Variants in TBC1D8 observed in about 807,000 individuals in gnomAD.
The protein encoded by TBC1D8 is BUB2-like protein 1.
TBC1D8 carries 65 observed loss-of-function variants against 118.8 expected under a neutral mutation model. The ratio of observed to expected loss-of-function variants is 0.55; its 90% confidence interval spans 0.45 to 0.67. The LOEUF (loss-of-function observed/expected upper bound fraction) is 0.67. TBC1D8 is among the 30% of genes least tolerant of loss of function. The pLI is 0.00. For synonymous variants in TBC1D8, 566 were observed against 595.8 expected (o/e 0.95, Z 0.73); for missense variants, 1,376 against 1,471.2 (o/e 0.94, Z 1.06).
intron 1 of TBC1D8, among the ~76,000 whole-genome samples, chr2:101,124,400 C>T (rs914319138): frequency 6.6e-5 from 10 of 152,102 alleles, no homozygotes; most frequent in South Asian, 6.2e-4. Context: ...TTCTGGAGAG[C>T]GCTATAAGGG....
chr2:101,069,292 CAAA>C (rs774980964), intron 2 of TBC1D8, among the ~76,000 whole-genome samples: 1 of 98,236 alleles, frequency 1.0e-5, no homozygotes. Context: ...GATTACGTCT[CAAA>C]AAAAAAAAAG....
rs745592536 is a variant in TBC1D8 at position 101,037,700 on chromosome 2, G to C, written c.1284C>G (p.Leu428=). 1 of 1,613,106 alleles carries C rather than the reference G, an allele frequency of 6.2e-7. No homozygotes were observed. Among genetic ancestry groups the C allele is most frequent in the East Asian group, 2.2e-5 (1 of 44,890 alleles). Residue 428 remains leucine (L), a synonymous_variant, in exon 8 of 20, where the codon CTC becomes CTG. Transcript: ENST00000409318. Reference sequence around the variant, plus strand: ...TGCACATGCTTGTTGAATGAAACACGAGTGAAGCCTGCACAGCAAGAGAGA... The same window carrying C: ...TGCACATGCTTGTTGAATGAAACACCAGTGAAGCCTGCACAGCAAGAGAGA... ...DTSADDDMAS[L]VFHSTSMCSD...
intron 1 of TBC1D8, among the ~76,000 whole-genome samples, chr2:101,097,350 C>A (rs777891409): frequency 1.3e-5 from 2 of 151,982 alleles, no homozygotes; most frequent in African/African-American, 2.4e-5. Context: ...CATAGGTCAG[C>A]AACCGAAATT....
intron 19 of TBC1D8, 111 bp downstream of exon 19, chr2:101,010,818 G>C (rs1340920923): frequency 1.1e-5 from 9 of 809,176 alleles, no homozygotes; most frequent in South Asian, 1.6e-5. Flanking sequence ...GGAGGTGGAG[G>C]TTGCAGTGGG....
chr2:101,110,039 C>T, intron 1 of TBC1D8: 1 of 984,182 alleles, frequency 1.0e-6, no homozygotes, highest in Non-Finnish European at 1.2e-6. Context: ...GCACAACACT[C>T]CTATTTTTAG....
chr2:101,041,295 C>G (rs1681370599), intron 5 of TBC1D8, among the ~76,000 whole-genome samples: 1 of 152,156 alleles, frequency 6.6e-6, no homozygotes, highest in African/African-American at 2.4e-5. Flanking sequence ...TGTCCATTAA[C>G]TGATAAGTGG....
chr2:101,032,346 TG>T lies in TBC1D8; in HGVS notation c.1857del (p.Lys620ArgfsTer25). 1 of 1,613,662 alleles carries T rather than the reference TG, an allele frequency of 6.2e-7. No individual in the cohort carries two copies. The highest frequency in any genetic ancestry group is 8.5e-7 in the Non-Finnish European group (1 of 1,179,740). On this transcript the variant is annotated frameshift_variant, in exon 11 of 20. Transcript: ENST00000409318. LOFTEE classifies it high-confidence loss of function. ...NILTSVLLLY[T>X]KEEEAFWLLV... ...AACAGCCAGAAGGCTTCCTCCTCCT[TG>T]GTGTACAGCAGCAGCACGGAGGTCA... is the stretch of plus-strand genomic sequence containing the variant.
chr2:101,019,159 C>A, intron 17 of TBC1D8: 3 of 1,383,724 alleles, frequency 2.2e-6, no homozygotes, highest in Non-Finnish European at 3.0e-6. Context: ...ATTACCCTGG[C>A]AGAGGGCCAG....
chr2:101,144,301 T>C (rs1679234200), intron 1 of TBC1D8, among the ~76,000 whole-genome samples: 1 of 152,100 alleles, frequency 6.6e-6, no homozygotes, highest in African/African-American at 2.4e-5. Context: ...TCTTCATGAC[T>C]ACAGTGGTGG....
chr2:101,105,704 C>G (rs1411272125), intron 1 of TBC1D8, among the ~76,000 whole-genome samples: 1 of 151,112 alleles, frequency 6.6e-6, no homozygotes, highest in Non-Finnish European at 1.5e-5. Context: ...TGGCTAAAAT[C>G]CAAAAAACTG....
chr2:101,052,327 C>G lies in TBC1D8; in HGVS notation c.632-1686G>C, dbSNP rs149008723. ...ACCTGGTCTAGTCTCAGAAAGGTTT[C>G]TAACAGCAGTAGCCAGGGCTGGCAA... On this transcript the variant is annotated intron_variant, in intron 4 of 19. Transcript: ENST00000409318. Among the ~76,000 whole-genome samples the G allele has an allele frequency of 4.6e-5, 7 of 152,312 alleles. No homozygotes were observed. The East Asian group carries it at 9.6e-4, about 21-fold the overall frequency.
At chr2:101,114,010 G>T (rs1677716092) in intron 1 of TBC1D8, among the ~76,000 whole-genome samples, 2 of 152,188 alleles carry the variant, frequency 1.3e-5, no homozygotes, top group South Asian at 4.1e-4. Context: ...ACGTGCTCAG[G>T]ACACTCTAGT....
intron 9 of TBC1D8, 75 bp downstream of exon 9, chr2:101,035,943 C>A: frequency 1.3e-6 from 2 of 1,541,822 alleles, no homozygotes; most frequent in South Asian, 1.1e-5. Context: ...TAAACACACG[C>A]GCTGCTCGGG....
At chr2:101,143,538 G>C (rs1162064844) in intron 1 of TBC1D8, among the ~76,000 whole-genome samples, 5 of 152,116 alleles carry the variant, frequency 3.3e-5, no homozygotes, top group African/African-American at 1.2e-4. Flanking sequence ...TTTACATCAA[G>C]GTTACCAATA....
At chr2:101,117,394 T>C (rs1482682933) in intron 1 of TBC1D8, among the ~76,000 whole-genome samples, 3 of 152,024 alleles carry the variant, frequency 2.0e-5, no homozygotes, top group African/African-American at 7.3e-5. Context: ...ACCCAGCCAA[T>C]CTTTCTGGAC....
chr2:101,150,949 C>A (rs1679535662), intron 1 of TBC1D8, among the ~76,000 whole-genome samples, 178 bp downstream of exon 1: 1 of 152,056 alleles, frequency 6.6e-6, no homozygotes. Flanking sequence ...ACCACCTCGA[C>A]GGGAGCCCGC....
intron 1 of TBC1D8, chr2:101,109,814 AAT>A: frequency 1.0e-6 from 1 of 985,448 alleles, no homozygotes; most frequent in Non-Finnish European, 1.2e-6. Flanking sequence ...TATTTTTAAA[AAT>A]ACTACATCAT....
intron 1 of TBC1D8, among the ~76,000 whole-genome samples, chr2:101,139,328 A>C (rs1157585360): frequency 2.8e-5 from 1 of 36,132 alleles, no homozygotes; most frequent in East Asian, 5.3e-4. Context: ...AAAAACAACA[A>C]AAAAAAAAAC....
intron 18 of TBC1D8, 193 bp from the exon 19 acceptor site, chr2:101,011,219 C>T (rs1054186831): frequency 4.4e-6 from 3 of 686,128 alleles, no homozygotes; most frequent in East Asian, 2.7e-5. Flanking sequence ...TAAGAGGACC[C>T]GTGAAACAGC....
Sources: gnomAD v4.1 joint callset for allele counts (sites outside exome capture counted in the v4.1 genomes callset) on GRCh38, gnomAD v4.1.1 for gene constraint, MANE v1.5 for transcripts, NCBI Gene and HGNC (gene_info 2026-07-23, HGNC 2026-07-21) for gene names.